Variants in CAMSAP3 observed in about 807,000 individuals in gnomAD.
CAMSAP3 encodes the protein calmodulin-regulated spectrin-associated protein 3.
In CAMSAP3, 34 loss-of-function variants were observed where a neutral mutation model predicts 112.5. That is an observed-to-expected ratio of 0.30 (90% CI 0.23 to 0.40). The LOEUF (loss-of-function observed/expected upper bound fraction) is 0.40, where lower values mean the gene tolerates loss of function less well. Among genes scored for constraint, CAMSAP3 ranks in the 10% least tolerant of loss-of-function variants. CAMSAP3 has a pLI of 1.00. For synonymous variants in CAMSAP3, 868 were observed against 799.8 expected, an observed-to-expected ratio of 1.09 and a Z score of -1.44; for missense variants, 1,602 against 1,770.3, an observed-to-expected ratio of 0.90 and a Z score of 1.71.
intron 1 of CAMSAP3, among the ~76,000 whole-genome samples, chr19:7,604,403 AG>A (rs907515309): frequency 6.6e-6 from 1 of 152,048 alleles, no homozygotes; most frequent in African/African-American, 2.4e-5. Context: ...ATCTGCCTCA[AG>A]GATGTCCTCA....
At position 7,611,169 on chromosome 19, in the gene CAMSAP3, G is replaced by A. The variant is rs1197920684; in HGVS notation, c.1123+1G>A. ...CAGTCCCCACTCCGAGGATCCACAGGTGAGGAGGGGGTAGGTGGCTTCTGT... is the reference window on the plus strand; with the variant it reads ...CAGTCCCCACTCCGAGGATCCACAGATGAGGAGGGGGTAGGTGGCTTCTGT... On this transcript the variant is annotated splice_donor_variant, in intron 9 of 16. Transcript: ENST00000160298. LOFTEE classifies it high-confidence loss of function. This position sits in a 1 kb window ranked among gnomAD's most constrained non-coding sequence, Gnocchi z 6.9. 1 of 1,613,370 alleles carries A rather than the reference G, an allele frequency of 6.2e-7. No homozygotes were observed. Among genetic ancestry groups the A allele is most frequent in the Non-Finnish European group, 8.5e-7 (1 of 1,179,888 alleles).
At chr19:7,616,956 T>TTTTTTG (rs2030840862) in intron 14 of CAMSAP3, among the ~76,000 whole-genome samples, 1 of 142,854 alleles carries the variant, frequency 7.0e-6, no homozygotes, top group African/African-American at 2.6e-5. Flanking sequence ...TTTTTTTTTT[T>TTTTTTG]TTGTTTTTTT....
At chr19:7,603,874 C>T (rs1048414292) in intron 1 of CAMSAP3, among the ~76,000 whole-genome samples, 1 of 152,104 alleles carries the variant, frequency 6.6e-6, no homozygotes, top group Non-Finnish European at 1.5e-5. Context: ...GTGGCTCACG[C>T]CTGTAATCCC....
At chr19:7,601,133 AAAC>A (rs1365464487) in intron 1 of CAMSAP3, among the ~76,000 whole-genome samples, 2 of 152,284 alleles carry the variant, frequency 1.3e-5, no homozygotes, top group Admixed American at 6.5e-5. Flanking sequence ...GTCCAAAAAC[AAAC>A]AACAAAAACC....
chr19:7,614,742 T>G, intron 11 of CAMSAP3: 1 of 210,930 alleles, frequency 4.7e-6, no homozygotes, highest in South Asian at 7.4e-5. Flanking sequence ...TGCTCCAGCC[T>G]CAGGGCCTCG....
At position 7,596,108 on chromosome 19, in the gene CAMSAP3, G is replaced by A. The variant is rs867205852; in HGVS notation, c.106G>A (p.Ala36Thr). The A allele has an allele frequency of 1.6e-6, 2 of 1,260,000 alleles. No homozygotes were observed. Among genetic ancestry groups the A allele is most frequent in the Admixed American group, 2.5e-5 (1 of 39,708 alleles). 78.1% of individuals were successfully genotyped at this position (1,260,000 alleles called of 1,614,324 possible). The change falls in exon 1 of 17, where the codon GCC becomes ACC. Residue 36 changes from alanine to threonine, a missense_variant. Physicochemically the swap from Ala to Thr is moderately conservative, Grantham distance 58 (BLOSUM62 0). Coordinates refer to ENST00000160298, the MANE Select transcript of CAMSAP3 (RefSeq NM_020902.2). ...QYDFSRAKAA[A>T]SLAWVLRAAF... ...CGATTTCTCGCGGGCCAAGGCGGCG[G>A]CCAGCCTGGCGTGGGTGCTGCGGGC...
intron 1 of CAMSAP3, among the ~76,000 whole-genome samples, chr19:7,598,110 G>T (rs1362464715): frequency 6.6e-6 from 1 of 152,126 alleles, no homozygotes; most frequent in Non-Finnish European, 1.5e-5. Flanking sequence ...TGGATATGGG[G>T]CAGAGGGGGA....
At chr19:7,602,361 G>A (rs1333561145) in intron 1 of CAMSAP3, among the ~76,000 whole-genome samples, 2 of 152,188 alleles carry the variant, frequency 1.3e-5, no homozygotes, top group Admixed American at 6.5e-5. Flanking sequence ...AAATGTCAGT[G>A]TAGCCCTAGC....
Position 7,617,347 on chromosome 19 carries a change from C to T in CAMSAP3, c.3234C>T (p.Leu1078=). 1 of 1,614,048 alleles carries T rather than the reference C, an allele frequency of 6.2e-7. No individual in the cohort carries two copies. Among genetic ancestry groups the T allele is most frequent in the Non-Finnish European group, 8.5e-7 (1 of 1,179,934 alleles). Residue 1078 remains leucine (L), a synonymous_variant, in exon 15 of 17, where the codon CTC becomes CTT. Transcript: ENST00000160298. This position sits in a 1 kb window ranked among gnomAD's most constrained non-coding sequence, Gnocchi z 7.5. ...PTSRAPSPSG[L]MSPSRLPGSR... is the part of the protein sequence containing the mutation. ...GCAGGGCTCCCTCCCCGTCAGGTCT[C>T]ATGTCCCCAAGCCGCCTGCCTGGAA...
At chr19:7,599,295 C>G (rs953807517) in intron 1 of CAMSAP3, among the ~76,000 whole-genome samples, 6 of 127,800 alleles carry the variant, frequency 4.7e-5, no homozygotes, top group Non-Finnish European at 1.0e-4. Context: ...TCCACCCACC[C>G]ACCCCACTCA....
intron 1 of CAMSAP3, among the ~76,000 whole-genome samples, chr19:7,602,998 TG>T (rs1375031704): frequency 1.3e-5 from 2 of 151,766 alleles, no homozygotes; most frequent in Non-Finnish European, 2.9e-5. Context: ...GGAGCCAAGA[TG>T]AGAGGGGCAA....
chr19:7,609,362 A>G (rs934437595), intron 5 of CAMSAP3, among the ~76,000 whole-genome samples: 25 of 150,282 alleles, frequency 1.7e-4, no homozygotes, highest in African/African-American at 6.1e-4. Context: ...GGGTCTTGCT[A>G]TGTTGCCCAA....
rs2030766853 is a variant in CAMSAP3, at chr19:7,615,981, G to A, written c.3112+262G>A. On this transcript the variant is annotated intron_variant, in intron 13 of 16. Coordinates refer to ENST00000160298, the MANE Select transcript of CAMSAP3 (RefSeq NM_020902.2). The surrounding 1 kb of genome is among the most constrained non-coding windows in gnomAD (Gnocchi z 6.5). ...GAGGCGGGCGGATCACCTGAGGTCA[G>A]GAGTTTGAGACCAGCCTGGCCAACA... Among the ~76,000 whole-genome samples the A allele has an allele frequency of 6.6e-6, 1 of 152,100 alleles. No individual in the cohort carries two copies.
rs375728018 is a variant in CAMSAP3, at chr19:7,606,682, C to G, written c.621+111C>G. ...TGGGGAGGGGGCTAGAGGTGACACA[C>G]TCTCTCTTTCTTCCCCCCTCTCTCA... On this transcript the variant is annotated intron_variant, in intron 4 of 16. Coordinates refer to ENST00000160298, the MANE Select transcript of CAMSAP3 (RefSeq NM_020902.2). 3.9e-4 allele frequency: 597 copies of G among 1,550,510 alleles called. No homozygotes were observed. The African/African-American group carries it at 7.3e-3, about 19-fold the overall frequency.
chr19:7,613,025 C>T lies in CAMSAP3; in HGVS notation c.2532C>T (p.Ile844=). ...AGCCAGCCGCCCGGCCGGGCCTCAT[C>T]GAGATCCCGCTGGGCAGCCTGGCAG... ...PEEPAARPGL[I]EIPLGSLADP... is the part of the protein sequence containing the mutation. The change falls in exon 11 of 17, where the codon ATC becomes ATT. Residue 844 remains isoleucine, a synonymous_variant. Coordinates refer to ENST00000160298, the MANE Select transcript of CAMSAP3 (RefSeq NM_020902.2). The T allele has an allele frequency of 6.4e-7, 1 of 1,556,508 alleles. No individual in the cohort carries two copies. Among genetic ancestry groups the T allele is most frequent in the South Asian group, 1.2e-5 (1 of 85,002 alleles).
In CAMSAP3 at chr19:7,608,297, C is replaced by T. The variant is rs370266225; in HGVS notation, c.760+33C>T. On this transcript the variant is annotated intron_variant, in intron 5 of 16. Transcript: ENST00000160298. ...AATGGATGTGGAACAGATCTTGTGC[C>T]GGGGAGCTGGGCATCCTAAGTCCCA... 8.4e-5 allele frequency: 134 copies of T among 1,590,444 alleles called. 3 individuals carry two copies. In the South Asian group the frequency reaches 1.2e-3, roughly 14 times the overall value.
In CAMSAP3 at chr19:7,613,166, G is replaced by A. The variant is rs1175012016; in HGVS notation, c.2670+3G>A. ...TGGGGCTGGGGTTCTTCTACAAGGT[G>A]AGTCCCCGAGCAGGTGGCTGGAGGG... On this transcript the variant is annotated splice_donor_region_variant and intron_variant, in intron 11 of 16. Transcript: ENST00000160298. The A allele has an allele frequency of 6.7e-6, 10 of 1,500,816 alleles. No individual in the cohort carries two copies. The highest frequency in any genetic ancestry group is 9.0e-6 in the Non-Finnish European group (10 of 1,116,828). 93.0% of individuals were successfully genotyped at this position (1,500,816 alleles called of 1,614,324 possible).
At position 7,610,829 on chromosome 19, in the gene CAMSAP3, CG is replaced by C; in HGVS notation, c.994+39del. On this transcript the variant is annotated intron_variant, in intron 7 of 16. Coordinates refer to ENST00000160298, the MANE Select transcript of CAMSAP3 (RefSeq NM_020902.2). This position sits in a 1 kb window ranked among gnomAD's most constrained non-coding sequence, Gnocchi z 4.9. ...GGGGGCCTGGGGGCCGGGTCGGGGGCGGGTGGGAGAGCCAAACCCCCGCCTG... is the reference window on the plus strand; with the variant it reads ...GGGGGCCTGGGGGCCGGGTCGGGGGCGGTGGGAGAGCCAAACCCCCGCCTG... 1 of 1,543,328 alleles carries C rather than the reference CG, an allele frequency of 6.5e-7. No individual in the cohort carries two copies. Among genetic ancestry groups the C allele is most frequent in the Non-Finnish European group, 8.9e-7 (1 of 1,125,902 alleles).
In CAMSAP3 at chr19:7,615,020, T is replaced by C; in HGVS notation, c.2671-163T>C. 2 of 778,640 alleles carry C rather than the reference T, an allele frequency of 2.6e-6. No homozygotes were observed. The highest frequency in any genetic ancestry group is 1.7e-5 in the African/African-American group (1 of 58,452). 48.2% of individuals were successfully genotyped at this position (778,640 alleles called of 1,614,324 possible). On this transcript the variant is annotated intron_variant, in intron 11 of 16. Coordinates refer to ENST00000160298, the MANE Select transcript of CAMSAP3 (RefSeq NM_020902.2). The surrounding 1 kb of genome is among the most constrained non-coding windows in gnomAD (Gnocchi z 6.5). Reference sequence around the variant, plus strand: ...TCCCATCCCTGTTGTGTCCCAGTACTTAGTGTGGGGCTGTGCATACAGTAG... The same window carrying C: ...TCCCATCCCTGTTGTGTCCCAGTACCTAGTGTGGGGCTGTGCATACAGTAG...
Sources: gnomAD v4.1 joint callset for allele counts (sites outside exome capture counted in the v4.1 genomes callset) on GRCh38, gnomAD v4.1.1 for gene constraint, Gnocchi (gnomAD v3.1) non-coding constraint, MANE v1.5 for transcripts, NCBI Gene and HGNC (gene_info 2026-07-23, HGNC 2026-07-21) for gene names.